OCA2: variants seen among roughly 807,000 people sequenced by gnomAD.
OCA2 encodes the protein OCA2 melanosomal transmembrane protein.
OCA2 carries 77 observed loss-of-function variants against 100.2 expected under a neutral mutation model. The ratio of observed to expected loss-of-function variants is 0.77; its 90% CI spans 0.64 to 0.93. The LOEUF is 0.93. Ranked by LOEUF, OCA2 falls within the 40% of genes least tolerant of loss-of-function variation. OCA2 has a pLI of 0.00. For synonymous variants in OCA2, 432 were observed against 439.2 expected (o/e 0.98, Z 0.21); for missense variants, 1,062 against 1,089.1 (o/e 0.98, Z 0.35).
chr15:27,891,556 T>C (rs1254799500), intron 19 of OCA2, among the ~76,000 whole-genome samples: 1 of 152,242 alleles, frequency 6.6e-6, no homozygotes, highest in African/African-American at 2.4e-5. Flanking sequence ...TTCTTCTGTA[T>C]ACTTTAAATG....
intron 19 of OCA2, among the ~76,000 whole-genome samples, chr15:27,897,047 G>A (rs1231661256): frequency 6.6e-6 from 1 of 151,994 alleles, no homozygotes; most frequent in Non-Finnish European, 1.5e-5. Flanking sequence ...AAAATTAGCC[G>A]GGTGTGGTGG....
intron 18 of OCA2, among the ~76,000 whole-genome samples, chr15:27,935,247 C>A (rs909280835): frequency 6.6e-6 from 1 of 152,164 alleles, no homozygotes; most frequent in East Asian, 1.9e-4. Flanking sequence ...ATTTACGTGA[C>A]CTGTCTTTAT....
intron 5 of OCA2, among the ~76,000 whole-genome samples, chr15:28,024,179 T>C (rs577033666): frequency 1.3e-5 from 2 of 152,138 alleles, no homozygotes; most frequent in South Asian, 4.2e-4. Context: ...CCTTGATGGG[T>C]CCATCTGCTA....
chr15:27,997,037 G>A (rs796074118), intron 9 of OCA2, among the ~76,000 whole-genome samples: 3 of 141,856 alleles, frequency 2.1e-5, no homozygotes, highest in Non-Finnish European at 3.0e-5. Flanking sequence ...AAGAGAGAGA[G>A]AGAGAAAGAA....
chr15:27,754,851 C>T (rs1474373195), downstream of OCA2: 1 of 159,710 alleles, frequency 6.3e-6, no homozygotes, highest in Non-Finnish European at 1.4e-5. Context: ...TGCAATTTTA[C>T]ATAATGTAAA....
chr15:27,771,451 C>A (rs1448465278), intron 23 of OCA2, among the ~76,000 whole-genome samples: 1 of 151,726 alleles, frequency 6.6e-6, no homozygotes, highest in Non-Finnish European at 1.5e-5. Context: ...GTGTGCTCCG[C>A]AGAGGCGTGG....
In OCA2 at chr15:27,811,399, C is replaced by T. The variant is rs140987516; in HGVS notation, c.2432+33560G>A. ...GAGGGAGGTGTGACATAAAAAATTA[C>T]ATATTGGGTACAATGTACACTCCTC... On this transcript the variant is annotated intron_variant, in intron 23 of 23. Transcript: ENST00000354638. Among the ~76,000 whole-genome samples, 478 of 152,246 alleles carry T rather than the reference C, an allele frequency of 3.1e-3. 2 individuals carry two copies. Among genetic ancestry groups the T allele is most frequent in the African/African-American group, 0.011 (455 of 41,532 alleles).
At chr15:27,979,202 G>A (rs1411842762) in intron 14 of OCA2, among the ~76,000 whole-genome samples, 1 of 152,198 alleles carries the variant, frequency 6.6e-6, no homozygotes, top group African/African-American at 2.4e-5. Context: ...ATATGCTAAT[G>A]TAAGTGTTCT....
chr15:27,809,602 T>C lies in OCA2; in HGVS notation c.2432+35357A>G, dbSNP rs75419839. Among the ~76,000 whole-genome samples the C allele has an allele frequency of 8.5e-5, 13 of 152,300 alleles. No individual in the cohort carries two copies. The East Asian group carries it at 1.7e-3, about 20-fold the overall frequency. On this transcript the variant is annotated intron_variant, in intron 23 of 23. Transcript: ENST00000354638. ...CTATCACTGTTTGCTGAAGATATGA[T>C]AGTATACCTAGAAAACCCTAAAGAC...
At chr15:27,745,347 T>G in the OCA2 span, among the ~76,000 whole-genome samples, 1 of 152,210 alleles carries the variant, frequency 6.6e-6, no homozygotes, top group African/African-American at 2.4e-5. Flanking sequence ...TTACCATATT[T>G]TGCAAGAATC....
the OCA2 span, among the ~76,000 whole-genome samples, chr15:27,730,995 G>A: frequency 1.3e-5 from 2 of 150,024 alleles, no homozygotes; most frequent in African/African-American, 2.4e-5. Context: ...TTTTATTTCT[G>A]AAATCCATCA....
intron 2 of OCA2, among the ~76,000 whole-genome samples, chr15:28,036,718 G>T (rs557027069): frequency 6.6e-6 from 1 of 152,218 alleles, no homozygotes; most frequent in Admixed American, 6.5e-5. Context: ...GCTAAAAAAT[G>T]TTGAAAATAT....
At chr15:27,964,198 T>A (rs1458458797) in intron 15 of OCA2, among the ~76,000 whole-genome samples, 1 of 152,168 alleles carries the variant, frequency 6.6e-6, no homozygotes, top group East Asian at 1.9e-4. Flanking sequence ...CAGAAATTCT[T>A]CCAAAAAATT....
chr15:28,041,323 A>C (rs1203553736), intron 2 of OCA2, among the ~76,000 whole-genome samples: 1 of 55,174 alleles, frequency 1.8e-5, no homozygotes, highest in Admixed American at 2.1e-4. Flanking sequence ...TTCATGATTA[A>C]AAAAAAAAAA....
chr15:28,058,713 G>A (rs1332248302), intron 2 of OCA2, among the ~76,000 whole-genome samples: 1 of 152,226 alleles, frequency 6.6e-6, no homozygotes, highest in African/African-American at 2.4e-5. Flanking sequence ...TAATCCAGGT[G>A]ACCAAAACAC....
intron 9 of OCA2, among the ~76,000 whole-genome samples, chr15:28,004,948 G>C (rs1244788275): frequency 6.6e-6 from 1 of 152,122 alleles, no homozygotes; most frequent in Non-Finnish European, 1.5e-5. Flanking sequence ...AGACTGTGGG[G>C]GAGGAAGCCC....
In OCA2 at chr15:27,821,617, T is replaced by TACATGTGTGCACACTTGCAC. The variant is rs1389320070; in HGVS notation, c.2432+23322_2432+23341dup. On this transcript the variant is annotated intron_variant, in intron 23 of 23. Coordinates refer to ENST00000354638, the MANE Select transcript of OCA2 (RefSeq NM_000275.3). ...GTGTGTGCATCCACACTAGTACACA[T>TACATGTGTGCACACTTGCAC]ACATGTGTGCACACTTGCACACAAG... 1.1e-3 allele frequency among the ~76,000 whole-genome samples: 167 copies of TACATGTGTGCACACTTGCAC among 149,238 alleles called. 1 individual carries two copies. Among genetic ancestry groups the TACATGTGTGCACACTTGCAC allele is most frequent in the African/African-American group, 3.9e-3 (157 of 40,600 alleles).
At chr15:27,926,331 C>A in intron 18 of OCA2, 77 bp from the exon 19 acceptor site, 4 of 1,525,642 alleles carry the variant, frequency 2.6e-6, no homozygotes, top group Non-Finnish European at 3.6e-6. Context: ...CTCTGGTTGC[C>A]TTTTTCTTTA....
At chr15:27,920,387 T>A (rs1180352004) in intron 19 of OCA2, among the ~76,000 whole-genome samples, 1 of 152,174 alleles carries the variant, frequency 6.6e-6, no homozygotes, top group Non-Finnish European at 1.5e-5. Context: ...AAGAAGGACA[T>A]TTTATTATGA....
Sources: allele counts gnomAD v4.1 joint callset (sites outside exome capture counted in the v4.1 genomes callset), GRCh38; gene constraint gnomAD v4.1.1; transcripts MANE v1.5; gene names NCBI Gene and HGNC (gene_info 2026-07-23, HGNC 2026-07-21).